The following ARSJ variants were observed in gnomAD, a reference collection of about 807,000 sequenced individuals.
ARSJ encodes arylsulfatase family member J.
Under a neutral mutation model 35.9 loss-of-function variants are expected in ARSJ, and 26 were observed. The observed-to-expected ratio is 0.72, with a 90% CI of 0.53 to 1.00. ARSJ has a LOEUF of 1.00. Among genes scored for constraint, ARSJ ranks in the 50% least tolerant of loss-of-function variants. ARSJ has a pLI of 0.00. For synonymous variants in ARSJ, 294 were observed against 267.6 expected, an observed-to-expected ratio of 1.10 and a Z score of -0.96; for missense variants, 667 against 723.6, an observed-to-expected ratio of 0.92 and a Z score of 0.90.
intron 1 of ARSJ, among the ~76,000 whole-genome samples, chr4:113,922,444 T>A (rs1044244545): frequency 6.6e-6 from 1 of 152,174 alleles, no homozygotes; most frequent in Admixed American, 6.6e-5. Context: ...TAACATGATA[T>A]CATCCCATCA....
At chr4:113,915,992 C>T (rs1265778567) in intron 1 of ARSJ, among the ~76,000 whole-genome samples, 2 of 152,224 alleles carry the variant, frequency 1.3e-5, no homozygotes, top group Non-Finnish European at 1.5e-5. Context: ...CAGTTTTAAT[C>T]TCACATGCTC....
In ARSJ at chr4:113,902,781, A is replaced by G; in HGVS notation, c.1293T>C (p.Asn431=). Residue 431 remains asparagine, a synonymous_variant, in exon 2 of 2, where the codon AAT becomes AAC. Coordinates refer to ENST00000315366, the MANE Select transcript of ARSJ (RefSeq NM_024590.4). ...NIDPIYTKAK[N]GSWAAGYGIW... is the part of the protein sequence containing the mutation. ...TCCCATAGCCTGCTGCCCAGGAGCCATTTTTTGCCTTGGTGTATATGGGGT... is the reference window on the plus strand; with the variant it reads ...TCCCATAGCCTGCTGCCCAGGAGCCGTTTTTTGCCTTGGTGTATATGGGGT... 2 of 1,614,132 alleles carry G rather than the reference A, an allele frequency of 1.2e-6. No homozygotes were observed. Among genetic ancestry groups the G allele is most frequent in the Non-Finnish European group, 1.7e-6 (2 of 1,180,016 alleles).
chr4:113,978,206 T>C (rs1201185757), intron 1 of ARSJ, among the ~76,000 whole-genome samples: 1 of 152,240 alleles, frequency 6.6e-6, no homozygotes, highest in Non-Finnish European at 1.5e-5. Context: ...TAGAAACTTA[T>C]AATTGGCTCT....
At chr4:113,927,150 A>C (rs1322746803) in intron 1 of ARSJ, among the ~76,000 whole-genome samples, 3 of 152,138 alleles carry the variant, frequency 2.0e-5, no homozygotes, top group Admixed American at 1.3e-4. Flanking sequence ...AAAAATCCAA[A>C]TAGGCCCACT....
chr4:113,970,955 A>C (rs1727205090), intron 1 of ARSJ: 1 of 152,236 alleles, frequency 6.6e-6, no homozygotes, highest in East Asian at 1.9e-4. Context: ...ACCCTATCTC[A>C]AAAAACAGTA....
intron 1 of ARSJ, among the ~76,000 whole-genome samples, chr4:113,938,976 T>G (rs189326865): frequency 2.4e-4 from 36 of 151,880 alleles, no homozygotes; most frequent in African/African-American, 7.2e-4. Flanking sequence ...GTTAGTTGCA[T>G]ATGTATACAT....
Position 113,903,689 on chromosome 4 carries a change from A to G in ARSJ, c.399-14T>C. 6.3e-7 allele frequency: 1 copy of G among 1,582,250 alleles called. No homozygotes were observed. The highest frequency in any genetic ancestry group is 8.6e-7 in the Non-Finnish European group (1 of 1,160,760). On this transcript the variant is annotated splice_polypyrimidine_tract_variant and intron_variant, in intron 1 of 1. Transcript: ENST00000315366. The stretch of plus-strand genomic sequence containing the variant: ...TGTATCTGATACCTTAAGAAAAGAG[A>G]AAAAAATTGTTATCAGGGCAGGATA...
chr4:113,930,311 A>C (rs1209171250), intron 1 of ARSJ, among the ~76,000 whole-genome samples: 2 of 152,138 alleles, frequency 1.3e-5, no homozygotes, highest in South Asian at 2.1e-4. Flanking sequence ...AGCATGCATC[A>C]TGGGAGAACA....
intron 1 of ARSJ, among the ~76,000 whole-genome samples, chr4:113,951,720 A>G (rs1353561040): frequency 2.0e-5 from 3 of 152,102 alleles, no homozygotes; most frequent in African/African-American, 7.2e-5. Context: ...TGCTCTTTAA[A>G]GATCTAGAAG....
At position 113,902,030 on chromosome 4, in the gene ARSJ, G is replaced by C. The variant is rs1418346889; in HGVS notation, c.*244C>G. On this transcript the variant is annotated 3_prime_UTR_variant, in exon 2 of 2. Coordinates refer to ENST00000315366, the MANE Select transcript of ARSJ (RefSeq NM_024590.4). ...CTCAGGACTCACCACGTTTTCTAAA[G>C]GAGCAAGAGAAATAAACATCTCCAC... 17 of 1,212,850 alleles carry C rather than the reference G, an allele frequency of 1.4e-5. No individual in the cohort carries two copies. In the East Asian group the frequency reaches 4.5e-4, roughly 32 times the overall value. 75.1% of individuals were successfully genotyped at this position (1,212,850 alleles called of 1,614,324 possible).
At chr4:113,930,560 T>A (rs554765066) in intron 1 of ARSJ, among the ~76,000 whole-genome samples, 86 of 152,274 alleles carry the variant, frequency 5.6e-4, no homozygotes, top group Non-Finnish European at 1.1e-3. Flanking sequence ...AATTGGTAGT[T>A]TTTGCTCTTA....
chr4:113,956,829 C>T (rs1363875212), intron 1 of ARSJ, among the ~76,000 whole-genome samples: 2 of 151,878 alleles, frequency 1.3e-5, no homozygotes, highest in African/African-American at 2.4e-5. Flanking sequence ...CTGCAGGGGC[C>T]GGTTTGAGAG....
chr4:113,958,786 C>A (rs1046181278), intron 1 of ARSJ, among the ~76,000 whole-genome samples: 1 of 152,000 alleles, frequency 6.6e-6, no homozygotes, highest in African/African-American at 2.4e-5. Context: ...CTTTAATCTT[C>A]TACTTTCCAC....
At chr4:113,929,859 A>G (rs1724319216) in intron 1 of ARSJ, among the ~76,000 whole-genome samples, 1 of 152,048 alleles carries the variant, frequency 6.6e-6, no homozygotes, top group African/African-American at 2.4e-5. Flanking sequence ...TTCTCCACAT[A>G]TGGTCAAAGG....
chr4:113,906,840 T>G, intron 1 of ARSJ: 1 of 412,006 alleles, frequency 2.4e-6, no homozygotes, highest in Non-Finnish European at 4.8e-6. Flanking sequence ...AGCGATAGCT[T>G]TAACAATTAT....
intron 1 of ARSJ, among the ~76,000 whole-genome samples, chr4:113,955,437 GA>G (rs74268394): frequency 1.3e-3 from 186 of 139,542 alleles, no homozygotes; most frequent in Middle Eastern, 3.6e-3. Context: ...GGATATTTAG[GA>G]AAAAAAAAAA....
chr4:113,971,710 T>A (rs4612001), intron 1 of ARSJ, among the ~76,000 whole-genome samples: 2 of 152,116 alleles, frequency 1.3e-5, no homozygotes, highest in African/African-American at 4.8e-5. Flanking sequence ...TACATTTTTC[T>A]AAATGTTTAA....
Position 113,979,187 on chromosome 4 carries a change from G to C in ARSJ, c.-353C>G, listed in dbSNP as rs1727783384. The C allele has an allele frequency of 5.4e-6, 1 of 185,026 alleles. No homozygotes were observed. The highest frequency in any genetic ancestry group is 1.4e-4 in the East Asian group (1 of 7,168). 11.5% of individuals were successfully genotyped at this position (185,026 alleles called of 1,614,324 possible). On this transcript the variant is annotated 5_prime_UTR_variant, in exon 1 of 2. Coordinates refer to ENST00000315366, the MANE Select transcript of ARSJ (RefSeq NM_024590.4). ...AAGCAAGGAATTGAGAATCACAGTG[G>C]ACAGGAACTTTTCGTGGCCAGAGCG... is the stretch of plus-strand genomic sequence containing the variant.
At chr4:113,966,879 C>T (rs1726923792) in intron 1 of ARSJ, among the ~76,000 whole-genome samples, 1 of 152,162 alleles carries the variant, frequency 6.6e-6, no homozygotes, top group African/African-American at 2.4e-5. Flanking sequence ...AGGGTCCAGT[C>T]AGTTACCACA....
Sources: allele counts gnomAD v4.1 joint callset (sites outside exome capture counted in the v4.1 genomes callset), GRCh38; gene constraint gnomAD v4.1.1; transcripts MANE v1.5; gene names NCBI Gene and HGNC (gene_info 2026-07-23, HGNC 2026-07-21).